The following CCDC7 variants were observed in gnomAD, a reference collection of about 807,000 sequenced individuals.
The protein encoded by CCDC7 is coiled-coil domain containing 7.
A neutral mutation model predicts 196.9 loss-of-function variants in CCDC7; 183 were observed. The observed-to-expected ratio is 0.93, with a 90% CI of 0.82 to 1.05. The LOEUF is 1.05. Ranked by LOEUF, CCDC7 falls within the 50% of genes least tolerant of loss-of-function variation. The pLI is 0.00. For synonymous variants in CCDC7, 525 were observed against 484.6 expected, an observed-to-expected ratio of 1.08 and a Z score of -1.10; for missense variants, 1,540 against 1,482.2, an observed-to-expected ratio of 1.04 and a Z score of -0.64.
At chr10:32,548,329 G>C (rs1249931413) in intron 13 of CCDC7, among the ~76,000 whole-genome samples, 2 of 152,146 alleles carry the variant, frequency 1.3e-5, no homozygotes, top group African/African-American at 4.8e-5. Flanking sequence ...TTGGCAGGAA[G>C]GGCAGCTACA....
Position 32,686,100 on chromosome 10 carries a change from A to C in CCDC7, c.2233+20A>C, listed in dbSNP as rs1356042379. 4 of 1,137,534 alleles carry C rather than the reference A, an allele frequency of 3.5e-6. No individual in the cohort carries two copies. The highest frequency in any genetic ancestry group is 5.1e-6 in the Non-Finnish European group (4 of 783,844). 70.5% of individuals were successfully genotyped at this position (1,137,534 alleles called of 1,614,324 possible). On this transcript the variant is annotated intron_variant, in intron 22 of 41. Transcript: ENST00000639629. The stretch of plus-strand genomic sequence containing the variant: ...TCACCAGTAAGTATAAAAATTACAC[A>C]TAACTTTACATTATTTTAAATTAGT...
intron 30 of CCDC7, among the ~76,000 whole-genome samples, chr10:32,807,194 A>T (rs1226437065): frequency 6.6e-6 from 1 of 152,328 alleles, no homozygotes; most frequent in East Asian, 1.9e-4. Context: ...AGGTTAAAGG[A>T]ATTCTGTAAC....
At chr10:32,672,733 C>G (rs2074279316) in intron 21 of CCDC7, among the ~76,000 whole-genome samples, 1 of 152,134 alleles carries the variant, frequency 6.6e-6, no homozygotes, top group African/African-American at 2.4e-5. Flanking sequence ...TTGCTCCTAG[C>G]TATCTCCTGG....
intron 21 of CCDC7, among the ~76,000 whole-genome samples, chr10:32,666,888 C>A (rs530511185): frequency 5.9e-5 from 9 of 152,176 alleles, no homozygotes; most frequent in African/African-American, 2.2e-4. Flanking sequence ...TGGGTATATA[C>A]CCAGTAATGG....
chr10:32,870,302 G>A (rs1316073727), intron 41 of CCDC7, among the ~76,000 whole-genome samples: 7 of 152,114 alleles, frequency 4.6e-5, no homozygotes, highest in Admixed American at 3.3e-4. Context: ...TCTCCTTGAA[G>A]AGGTCCTTCA....
intron 21 of CCDC7, among the ~76,000 whole-genome samples, chr10:32,668,504 A>G (rs374827302): frequency 1.3e-5 from 2 of 151,990 alleles, no homozygotes; most frequent in Non-Finnish European, 2.9e-5. Flanking sequence ...TTGGCTGTGG[A>G]TTTGTCATAG....
chr10:32,703,139 G>T (rs998200084), intron 24 of CCDC7, among the ~76,000 whole-genome samples: 2 of 152,068 alleles, frequency 1.3e-5, no homozygotes, highest in Non-Finnish European at 2.9e-5. Context: ...GCATGTTTTC[G>T]CAGTGGCTGG....
At chr10:32,862,202 G>A (rs1013391108) in intron 41 of CCDC7, among the ~76,000 whole-genome samples, 3 of 151,958 alleles carry the variant, frequency 2.0e-5, no homozygotes, top group Admixed American at 6.6e-5. Context: ...TGAAGAAAAT[G>A]TGGCACATAT....
intron 13 of CCDC7, among the ~76,000 whole-genome samples, chr10:32,556,149 A>AT (rs973566461): frequency 6.6e-6 from 1 of 152,142 alleles, no homozygotes; most frequent in African/African-American, 2.4e-5. Flanking sequence ...ATTTATGGCC[A>AT]TTTGTAGTCT....
rs140842289 is a variant in CCDC7 at position 32,686,205 on chromosome 10, T to C, written c.2233+125T>C. On this transcript the variant is annotated intron_variant, in intron 22 of 41. Transcript: ENST00000639629. ...CCTTGAACCTAAAGTATGAATACCA[T>C]AAGATAACTAGAGAACAAAAGCTAG... is the stretch of plus-strand genomic sequence containing the variant. The C allele has an allele frequency of 2.6e-3, 1,392 of 531,584 alleles. 14 individuals are homozygous for C. The highest frequency in any genetic ancestry group is 0.025 in the African/African-American group (1,251 of 50,952). 32.9% of individuals were successfully genotyped at this position (531,584 alleles called of 1,614,324 possible).
At chr10:32,616,838 C>T (rs1332874244) in intron 18 of CCDC7, among the ~76,000 whole-genome samples, 1 of 151,316 alleles carries the variant, frequency 6.6e-6, no homozygotes, top group African/African-American at 2.4e-5. Context: ...TTTTTTTATG[C>T]CTAGTTTGTT....
At chr10:32,492,581 G>C (rs10827068) in intron 9 of CCDC7, among the ~76,000 whole-genome samples, 13,443 of 151,844 alleles carry the variant, frequency 0.089, 864 homozygotes, top group East Asian at 0.33. Context: ...TAATAAGCCA[G>C]CCACAAAAAA....
At chr10:32,766,997 G>A (rs577835253) in intron 28 of CCDC7, among the ~76,000 whole-genome samples, 7 of 152,186 alleles carry the variant, frequency 4.6e-5, no homozygotes, top group African/African-American at 1.7e-4. Flanking sequence ...GGGATGAATA[G>A]TGTAGACTTC....
At chr10:32,562,647 T>C (rs1480315808) in intron 13 of CCDC7, among the ~76,000 whole-genome samples, 1 of 152,070 alleles carries the variant, frequency 6.6e-6, no homozygotes, top group East Asian at 1.9e-4. Flanking sequence ...ATGGGACGTA[T>C]CTCAAAATAA....
intron 20 of CCDC7, among the ~76,000 whole-genome samples, chr10:32,657,547 G>A (rs2140296529): frequency 6.6e-6 from 1 of 152,322 alleles, no homozygotes; most frequent in Non-Finnish European, 1.5e-5. Flanking sequence ...ATGGCTGGAG[G>A]TGAAGCAGCT....
chr10:32,743,298 A>T (rs998054184), intron 28 of CCDC7, among the ~76,000 whole-genome samples: 2 of 152,068 alleles, frequency 1.3e-5, no homozygotes, highest in Non-Finnish European at 2.9e-5. Context: ...TAGATTCTGG[A>T]TATTAGCCCT....
At chr10:32,778,662 G>A (rs2080518202) in intron 28 of CCDC7, among the ~76,000 whole-genome samples, 1 of 152,062 alleles carries the variant, frequency 6.6e-6, no homozygotes, top group Admixed American at 6.6e-5. Flanking sequence ...TGGCTATTAG[G>A]CTTCTTTTTG....
chr10:32,634,384 A>T lies in CCDC7; in HGVS notation c.1912+20A>T. Reference sequence around the variant, plus strand: ...ATGAGGGTAAGTATAATAATTATACATATCTTTACACTATTTTATTTTTAT... The same window carrying T: ...ATGAGGGTAAGTATAATAATTATACTTATCTTTACACTATTTTATTTTTAT... On this transcript the variant is annotated intron_variant, in intron 19 of 41. Transcript: ENST00000639629. The T allele has an allele frequency of 2.1e-6, 2 of 951,574 alleles. No homozygotes were observed. Among genetic ancestry groups the T allele is most frequent in the East Asian group, 3.3e-5 (1 of 30,186 alleles). 58.9% of individuals were successfully genotyped at this position (951,574 alleles called of 1,614,324 possible).
At chr10:32,743,961 G>A (rs1276108153) in intron 28 of CCDC7, among the ~76,000 whole-genome samples, 3 of 139,142 alleles carry the variant, frequency 2.2e-5, no homozygotes, top group Non-Finnish European at 3.1e-5. Flanking sequence ...ACACAGGAAG[G>A]GGAACATCAC....
Sources: gnomAD v4.1 joint callset for allele counts (sites outside exome capture counted in the v4.1 genomes callset) on GRCh38, gnomAD v4.1.1 for gene constraint, MANE v1.5 for transcripts, NCBI Gene and HGNC (gene_info 2026-07-23, HGNC 2026-07-21) for gene names.